The following NUDT3 variants were observed in gnomAD, a reference collection of about 807,000 sequenced individuals.
NUDT3 encodes diphosphoinositol polyphosphate phosphohydrolase 1.
In NUDT3, 9 loss-of-function variants were observed where a neutral mutation model predicts 23.6. The observed-to-expected ratio is 0.38, with a 90% CI of 0.23 to 0.66. The LOEUF is 0.66. Ranked by LOEUF, NUDT3 falls within the 30% of genes least tolerant of loss-of-function variation. The pLI, the probability that NUDT3 is intolerant of heterozygous loss-of-function variation, is 0.52. For missense variants in NUDT3, 172 were observed against 218.5 expected (o/e 0.79, Z 1.34); for synonymous variants, 86 against 82.6 (o/e 1.04, Z -0.22).
chr6:34,295,818 G>T (rs1353445216), intron 2 of NUDT3, 133 bp from the exon 3 acceptor site: 26 of 1,009,694 alleles, frequency 2.6e-5, no homozygotes, highest in Non-Finnish European at 3.7e-5. Context: ...CACGATCTGT[G>T]AAGTGATACC....
intron 1 of NUDT3, among the ~76,000 whole-genome samples, chr6:34,354,331 C>T (rs1452107881): frequency 6.6e-6 from 1 of 151,606 alleles, no homozygotes; most frequent in African/African-American, 2.4e-5. Flanking sequence ...GGCTGCAGTG[C>T]TCTATGATCA....
At chr6:34,309,426 T>G (rs1010270584) in intron 2 of NUDT3, among the ~76,000 whole-genome samples, 1 of 152,020 alleles carries the variant, frequency 6.6e-6, no homozygotes, top group African/African-American at 2.4e-5. Flanking sequence ...TAAATGCATA[T>G]ATTAGAAAAG....
intron 1 of NUDT3, among the ~76,000 whole-genome samples, chr6:34,365,615 T>C (rs1345866538): frequency 2.0e-5 from 3 of 152,110 alleles, no homozygotes; most frequent in Non-Finnish European, 2.9e-5. Flanking sequence ...GTCATATTCA[T>C]TGAGATAGAA....
intron 1 of NUDT3, among the ~76,000 whole-genome samples, chr6:34,382,904 G>A (rs956129255): frequency 2.0e-5 from 3 of 151,710 alleles, no homozygotes; most frequent in African/African-American, 7.3e-5. Context: ...GAGGAGGGTG[G>A]ATCACAAGGT....
At chr6:34,355,469 T>C (rs1764547352) in intron 1 of NUDT3, among the ~76,000 whole-genome samples, 2 of 152,104 alleles carry the variant, frequency 1.3e-5, no homozygotes, top group Admixed American at 1.3e-4. Context: ...TCACGAAGGA[T>C]ACAGTGTCTG....
intron 2 of NUDT3, among the ~76,000 whole-genome samples, chr6:34,339,954 TAAACATGGAACCGACATTCCCTTTGCC>T (rs1764264283): frequency 6.6e-6 from 1 of 152,238 alleles, no homozygotes; most frequent in African/African-American, 2.4e-5. Flanking sequence ...CTTAGTAGTT[TAAACATGGAACCGACATTCCCTTTGCC>T]AGGAAGTTTA....
intron 1 of NUDT3, among the ~76,000 whole-genome samples, chr6:34,359,434 T>C (rs1333285159): frequency 6.6e-6 from 1 of 152,150 alleles, no homozygotes; most frequent in Non-Finnish European, 1.5e-5. Context: ...CCTGTCCCCA[T>C]CCTCCCACTT....
rs546984774 is a variant in NUDT3, at chr6:34,389,276, A to G, written c.99+2988T>C. ...AATGCTCACGAAATCCAATGGTTTT[A>G]CAAGTGTTTGGGAGTTCCTCCTTCC... On this transcript the variant is annotated intron_variant, in intron 1 of 4. Coordinates refer to ENST00000607016, the MANE Select transcript of NUDT3 (RefSeq NM_006703.4). Among the ~76,000 whole-genome samples, 18 of 152,314 alleles carry G rather than the reference A, an allele frequency of 1.2e-4. No homozygotes were observed. The South Asian group carries it at 3.1e-3, about 26-fold the overall frequency.
Position 34,358,864 on chromosome 6 carries a change from A to T in NUDT3, c.100-16892T>A, listed in dbSNP as rs147318529. Among the ~76,000 whole-genome samples, 12 of 152,336 alleles carry T rather than the reference A, an allele frequency of 7.9e-5. No individual in the cohort carries two copies. In the East Asian group the frequency reaches 2.3e-3, roughly 29 times the overall value. ...ATGGTGGACCAGGAATAATACAGTA[A>T]CTATATAGGAGAAAATTAAGATAGA... On this transcript the variant is annotated intron_variant, in intron 1 of 4. Transcript: ENST00000607016.
chr6:34,351,226 A>AAAAAAAAAAAAAAAAAAAAAAC (rs1554154786), intron 1 of NUDT3, among the ~76,000 whole-genome samples: 2 of 133,974 alleles, frequency 1.5e-5, no homozygotes, highest in African/African-American at 6.3e-5. Context: ...AAAAAAAAAA[A>AAAAAAAAAAAAAAAAAAAAAAC]CACTTTGGGA....
rs905637537 is a variant in NUDT3 at position 34,279,729 on chromosome 6, A to G, written c.*9024T>C. The G allele has an allele frequency of 8.5e-5, 13 of 152,226 alleles. No individual in the cohort carries two copies. The highest frequency in any genetic ancestry group is 2.6e-4 in the Admixed American group (4 of 15,276). The allele number at this position is 152,226 out of a possible 1,614,324, so 9.4% of individuals were successfully genotyped here. On this transcript the variant is annotated 3_prime_UTR_variant, in exon 5 of 5. Coordinates refer to ENST00000607016, the MANE Select transcript of NUDT3 (RefSeq NM_006703.4). The stretch of plus-strand genomic sequence containing the variant: ...GGTTGGCACAAGATTACAACCTACA[A>G]TTTCAATGCCCTTCCCTCCCACACA...
chr6:34,310,041 G>A (rs1017720090), intron 2 of NUDT3, among the ~76,000 whole-genome samples: 12 of 151,834 alleles, frequency 7.9e-5, no homozygotes, highest in African/African-American at 2.9e-4. Flanking sequence ...GAGACAAGGA[G>A]GAGCAAAACC....
chr6:34,297,900 A>G (rs1202780126), intron 2 of NUDT3, among the ~76,000 whole-genome samples: 1 of 149,818 alleles, frequency 6.7e-6, no homozygotes, highest in Non-Finnish European at 1.5e-5. Context: ...CGGCCCAAGA[A>G]AAGATTTAAG....
At chr6:34,297,573 T>C (rs1374990826) in intron 2 of NUDT3, among the ~76,000 whole-genome samples, 2 of 148,776 alleles carry the variant, frequency 1.3e-5, no homozygotes, top group Non-Finnish European at 3.0e-5. Context: ...TTTTAACTCT[T>C]GTCGCCCAGG....
At chr6:34,391,122 T>A (rs1004327573) in intron 1 of NUDT3, among the ~76,000 whole-genome samples, 1 of 152,190 alleles carries the variant, frequency 6.6e-6, no homozygotes, top group Non-Finnish European at 1.5e-5. Context: ...TCCTCCTAAA[T>A]ACCTCTGGAC....
chr6:34,321,443 TAATAATAATAATAA>T (rs906705351), intron 2 of NUDT3, among the ~76,000 whole-genome samples: 10 of 151,556 alleles, frequency 6.6e-5, no homozygotes, highest in African/African-American at 2.4e-4. Context: ...ATCTCAAAAA[TAATAATAATAATAA>T]AATAATAATA....
intron 1 of NUDT3, among the ~76,000 whole-genome samples, chr6:34,379,851 C>T (rs1764983808): frequency 1.3e-5 from 2 of 151,584 alleles, no homozygotes; most frequent in South Asian, 2.1e-4. Context: ...CCCATCTCTA[C>T]TAAAAATTAG....
At chr6:34,295,567 G>C in intron 3 of NUDT3, 74 bp downstream of exon 3, 1 of 1,466,818 alleles carries the variant, frequency 6.8e-7, no homozygotes, top group Non-Finnish European at 9.3e-7. Flanking sequence ...AAACAGAAAT[G>C]GCATTTTTCC....
intron 2 of NUDT3, among the ~76,000 whole-genome samples, chr6:34,315,941 A>G (rs1283007955): frequency 6.6e-6 from 1 of 152,164 alleles, no homozygotes; most frequent in Non-Finnish European, 1.5e-5. Flanking sequence ...CATGTCATGG[A>G]GGAGCTCTCG....
Sources: allele counts gnomAD v4.1 joint callset (sites outside exome capture counted in the v4.1 genomes callset), GRCh38; gene constraint gnomAD v4.1.1; transcripts MANE v1.5; gene names NCBI Gene and HGNC (gene_info 2026-07-23, HGNC 2026-07-21).